The following CCSER1 variants were observed in gnomAD, a reference collection of about 807,000 sequenced individuals.
CCSER1 encodes serine-rich coiled-coil domain-containing protein 1.
A neutral mutation model predicts 82.0 loss-of-function variants in CCSER1; 41 were observed. That is an observed-to-expected ratio of 0.50 (90% CI 0.39 to 0.65). The LOEUF (loss-of-function observed/expected upper bound fraction) is 0.65, where lower values mean the gene tolerates loss of function less well. Among genes scored for constraint, CCSER1 ranks in the 30% least tolerant of loss-of-function variants. The pLI is 0.00. For synonymous variants in CCSER1, 414 were observed against 383.9 expected (o/e 1.08, Z -0.92); for missense variants, 1,119 against 1,064.2 (o/e 1.05, Z -0.72).
intron 5 of CCSER1, among the ~76,000 whole-genome samples, chr4:90,505,221 C>G (rs568680084): frequency 6.6e-6 from 1 of 152,238 alleles, no homozygotes; most frequent in Non-Finnish European, 1.5e-5. Flanking sequence ...GAAGGGGCAA[C>G]AGATGGGCTA....
intron 9 of CCSER1, among the ~76,000 whole-genome samples, chr4:91,021,255 A>G (rs945125985): frequency 2.6e-5 from 4 of 152,108 alleles, no homozygotes; most frequent in African/African-American, 9.7e-5. Context: ...AAGGAAAGGG[A>G]GATATTGTGC....
At chr4:90,276,374 T>C (rs1431668714) in intron 1 of CCSER1, among the ~76,000 whole-genome samples, 6 of 144,256 alleles carry the variant, frequency 4.2e-5, no homozygotes, top group African/African-American at 1.5e-4. Flanking sequence ...GGAAACGGAG[T>C]CTCACTCTGT....
At chr4:91,563,412 A>G (rs189025964) in intron 10 of CCSER1, among the ~76,000 whole-genome samples, 1 of 151,918 alleles carries the variant, frequency 6.6e-6, no homozygotes, top group Admixed American at 6.6e-5. Context: ...TAACAGAATG[A>G]AGGATGAAAA....
rs149864604 is a variant in CCSER1, at chr4:90,770,834, G to C, written c.2011-44928G>C. On this transcript the variant is annotated intron_variant, in intron 7 of 10. Coordinates refer to ENST00000509176, the MANE Select transcript of CCSER1 (RefSeq NM_001145065.2). ...CTAAAATCATTGAGTTACTTATATAGTAAAAATTATAGGAGCCAAATAAAA... is the reference window on the plus strand; with the variant it reads ...CTAAAATCATTGAGTTACTTATATACTAAAAATTATAGGAGCCAAATAAAA... Among the ~76,000 whole-genome samples, 25 of 152,142 alleles carry C rather than the reference G, an allele frequency of 1.6e-4. No homozygotes were observed. The East Asian group carries it at 4.6e-3, about 28-fold the overall frequency.
At chr4:90,687,516 T>G (rs1735041740) in intron 6 of CCSER1, among the ~76,000 whole-genome samples, 2 of 152,124 alleles carry the variant, frequency 1.3e-5, no homozygotes, top group South Asian at 4.1e-4. Flanking sequence ...GCAGTTGTCC[T>G]CAGCTGGGGT....
chr4:90,649,360 A>T (rs1728298101), intron 6 of CCSER1: 1 of 152,232 alleles, frequency 6.6e-6, no homozygotes, highest in Non-Finnish European at 1.5e-5. Context: ...CCCTCTCAAT[A>T]TTCACATGTT....
In CCSER1 at chr4:91,493,715, A is replaced by C. The variant is rs200941364; in HGVS notation, c.2218-104857A>C. Among the ~76,000 whole-genome samples the C allele has an allele frequency of 2.1e-4, 31 of 150,640 alleles. No individual in the cohort carries two copies. In the East Asian group the frequency reaches 6.0e-3, roughly 29 times the overall value. ...AGTGAATTATGATTAATTCACTATG[A>C]ATTATAATTAAAATATTATAATTTC... On this transcript the variant is annotated intron_variant, in intron 10 of 10. Transcript: ENST00000509176.
chr4:91,592,321 G>A (rs980925744), intron 10 of CCSER1, among the ~76,000 whole-genome samples: 14 of 152,086 alleles, frequency 9.2e-5, no homozygotes, highest in African/African-American at 3.4e-4. Context: ...CAGCATGGGG[G>A]TAACTGCCAG....
intron 1 of CCSER1, among the ~76,000 whole-genome samples, chr4:90,179,217 T>C (rs1055918168): frequency 6.0e-5 from 9 of 150,142 alleles, no homozygotes; most frequent in African/African-American, 9.9e-5. Context: ...CTCTTGATAT[T>C]GTGTGTTTAA....
At chr4:90,760,839 A>T (rs1185767960) in intron 7 of CCSER1, among the ~76,000 whole-genome samples, 1 of 152,098 alleles carries the variant, frequency 6.6e-6, no homozygotes, top group African/African-American at 2.4e-5. Flanking sequence ...CTCTGTATGC[A>T]TGAAGCTTTC....
intron 7 of CCSER1, among the ~76,000 whole-genome samples, chr4:90,800,995 A>C (rs1756731413): frequency 6.6e-6 from 1 of 152,176 alleles, no homozygotes; most frequent in Non-Finnish European, 1.5e-5. Flanking sequence ...AAAAATCAGT[A>C]AGATGGGCTA....
chr4:90,806,286 A>G (rs927794527), intron 7 of CCSER1, among the ~76,000 whole-genome samples: 1 of 152,212 alleles, frequency 6.6e-6, no homozygotes, highest in African/African-American at 2.4e-5. Flanking sequence ...ATGATATATT[A>G]GCATCTATCC....
chr4:91,107,639 CTTTTT>C (rs55901052), intron 10 of CCSER1, among the ~76,000 whole-genome samples: 1 of 136,322 alleles, frequency 7.3e-6, no homozygotes, highest in Non-Finnish European at 1.6e-5. Context: ...TTCTTTTTCT[CTTTTT>C]TTTTTTTTTT....
chr4:91,329,356 T>A (rs1746786870), intron 10 of CCSER1, among the ~76,000 whole-genome samples: 3 of 152,212 alleles, frequency 2.0e-5, no homozygotes, highest in South Asian at 4.1e-4. Flanking sequence ...ATTTACTAAG[T>A]AGAATTCACA....
chr4:91,106,624 T>G (rs1725645676), intron 10 of CCSER1, among the ~76,000 whole-genome samples: 1 of 152,234 alleles, frequency 6.6e-6, no homozygotes, highest in Non-Finnish European at 1.5e-5. Context: ...TTGGAATTGT[T>G]GGATTACAAA....
intron 1 of CCSER1, among the ~76,000 whole-genome samples, chr4:90,305,132 G>T (rs1378840275): frequency 1.3e-5 from 2 of 152,082 alleles, no homozygotes; most frequent in Non-Finnish European, 2.9e-5. Context: ...TAGCCAGGAT[G>T]GTCTCAATCT....
At chr4:90,300,966 C>A (rs1267252073) in intron 1 of CCSER1, among the ~76,000 whole-genome samples, 2 of 152,112 alleles carry the variant, frequency 1.3e-5, no homozygotes, top group Non-Finnish European at 2.9e-5. Context: ...GCTGGGACAA[C>A]AGGTGTGTGC....
chr4:90,479,659 G>T (rs1429014823), intron 5 of CCSER1, among the ~76,000 whole-genome samples: 1 of 152,094 alleles, frequency 6.6e-6, no homozygotes, highest in Non-Finnish European at 1.5e-5. Flanking sequence ...AGTTTGCTGA[G>T]AATGATGGCT....
At chr4:90,527,715 A>G (rs890669527) in intron 5 of CCSER1, among the ~76,000 whole-genome samples, 8 of 152,144 alleles carry the variant, frequency 5.3e-5, no homozygotes, top group African/African-American at 1.9e-4. Flanking sequence ...GCTAACATAA[A>G]AGACTGATTT....
Sources: gnomAD v4.1 joint callset for allele counts (sites outside exome capture counted in the v4.1 genomes callset) on GRCh38, gnomAD v4.1.1 for gene constraint, MANE v1.5 for transcripts, NCBI Gene and HGNC (gene_info 2026-07-23, HGNC 2026-07-21) for gene names.